Variants in ATP6V1G3 observed in about 807,000 individuals in gnomAD.
ATP6V1G3 encodes V-type proton ATPase subunit G 3.
Under a neutral mutation model 9.3 loss-of-function variants are expected in ATP6V1G3, and 9 were observed. That is an observed-to-expected ratio of 0.97 (90% CI 0.59 to 1.69). The LOEUF is 1.69. Ranked by LOEUF, ATP6V1G3 falls within the 40% of genes most tolerant of loss-of-function variation. The pLI is 0.00. For synonymous variants in ATP6V1G3, 43 were observed against 43.8 expected, an observed-to-expected ratio of 0.98 and a Z score of 0.07; for missense variants, 133 against 139.0, an observed-to-expected ratio of 0.96 and a Z score of 0.22.
chr1:198,524,171 C>T (rs1157059559), intron 2 of ATP6V1G3, among the ~76,000 whole-genome samples: 2 of 146,056 alleles, frequency 1.4e-5, no homozygotes, highest in Admixed American at 1.4e-4. Flanking sequence ...GTCGCCCAGG[C>T]TGGAGTGCAA....
In ATP6V1G3 at chr1:198,523,572, A is replaced by C. The variant is rs1659534819; in HGVS notation, c.184-8T>G. On this transcript the variant is annotated splice_polypyrimidine_tract_variant and splice_region_variant and intron_variant, in intron 2 of 2. Coordinates refer to ENST00000367382, the MANE Select transcript of ATP6V1G3 (RefSeq NM_001376861.1). ...ATTCTGAGAGCCCATTATCTACCAA[A>C]ACAAAACAGACAGAATTCACATCAT... 3.1e-6 allele frequency: 5 copies of C among 1,607,846 alleles called. No homozygotes were observed. The highest frequency in any genetic ancestry group is 4.2e-6 in the Non-Finnish European group (5 of 1,177,444).
intron 1 of ATP6V1G3, 33 bp downstream of exon 1, chr1:198,540,536 T>C (rs1363632315): frequency 6.3e-7 from 1 of 1,596,102 alleles, no homozygotes; most frequent in Admixed American, 1.7e-5. Context: ...GCTTTGTTTA[T>C]TTCGTGACAG....
chr1:198,532,174 C>T (rs1354332810), intron 1 of ATP6V1G3, among the ~76,000 whole-genome samples: 1 of 151,968 alleles, frequency 6.6e-6, no homozygotes, highest in Admixed American at 6.6e-5. Flanking sequence ...TGTATATATG[C>T]TAGTTATAGC....
chr1:198,540,502 C>G (rs780179132), intron 1 of ATP6V1G3, 67 bp downstream of exon 1: 15 of 1,529,460 alleles, frequency 9.8e-6, no homozygotes, highest in East Asian at 2.3e-5. Flanking sequence ...ATCCAAAAGT[C>G]TATGCTTATC....
Position 198,540,565 on chromosome 1 carries a change from TTAC to T in ATP6V1G3, c.82+1_82+3del. On this transcript the variant is annotated splice_donor_variant and splice_donor_region_variant and intron_variant, in intron 1 of 2. Coordinates refer to ENST00000367382, the MANE Select transcript of ATP6V1G3 (RefSeq NM_001376861.1). LOFTEE classifies it high-confidence loss of function. ...GTGACAGACCCCTCACAGGTGAGAC[TTAC>T]TCTTCTTGGCTTCCTCTAGCTTGTC... is the stretch of plus-strand genomic sequence containing the variant. 1.2e-6 allele frequency: 2 copies of T among 1,612,092 alleles called. No individual in the cohort carries two copies. Among genetic ancestry groups the T allele is most frequent in the South Asian group, 2.2e-5 (2 of 89,954 alleles).
At chr1:198,527,843 G>A (rs1402808049) in intron 2 of ATP6V1G3, among the ~76,000 whole-genome samples, 1 of 152,012 alleles carries the variant, frequency 6.6e-6, no homozygotes, top group African/African-American at 2.4e-5. Context: ...GAAAAAGAGT[G>A]GACTACAATA....
intron 1 of ATP6V1G3, among the ~76,000 whole-genome samples, chr1:198,535,099 A>G (rs1425779786): frequency 6.6e-6 from 1 of 152,174 alleles, no homozygotes; most frequent in Non-Finnish European, 1.5e-5. Context: ...CCTGGACTGA[A>G]TATAACCAAA....
At chr1:198,532,055 T>C (rs1259024466) in intron 1 of ATP6V1G3, among the ~76,000 whole-genome samples, 3 of 152,052 alleles carry the variant, frequency 2.0e-5, no homozygotes, top group Non-Finnish European at 4.4e-5. Flanking sequence ...TAAGCTTTCC[T>C]GAGGATATTT....
chr1:198,530,756 C>T (rs1017697152), intron 1 of ATP6V1G3, among the ~76,000 whole-genome samples: 1 of 152,040 alleles, frequency 6.6e-6, no homozygotes, highest in Non-Finnish European at 1.5e-5. Flanking sequence ...TCTCTGTGAG[C>T]AGAATAAATC....
intron 1 of ATP6V1G3, among the ~76,000 whole-genome samples, chr1:198,537,252 A>G (rs1660152733): frequency 6.6e-6 from 1 of 152,210 alleles, no homozygotes; most frequent in Non-Finnish European, 1.5e-5. Context: ...ATACTGTATC[A>G]TGTAGCAACT....
At chr1:198,528,970 T>C in intron 2 of ATP6V1G3, 111 bp downstream of exon 2, 2 of 385,870 alleles carry the variant, frequency 5.2e-6, no homozygotes, top group South Asian at 3.4e-5. Flanking sequence ...GATTGAACTA[T>C]ATCTGCTCAA....
intron 1 of ATP6V1G3, chr1:198,536,624 A>G (rs1295755780): frequency 2.8e-6 from 4 of 1,417,700 alleles, no homozygotes; most frequent in African/African-American, 1.4e-5. Context: ...ACTAATAAAT[A>G]TAACCTGTAA....
chr1:198,530,473 C>T (rs1474892917), intron 1 of ATP6V1G3, among the ~76,000 whole-genome samples: 2 of 152,128 alleles, frequency 1.3e-5, no homozygotes, highest in African/African-American at 4.8e-5. Context: ...GAGTTACAAA[C>T]TGAAATGTGT....
intron 1 of ATP6V1G3, among the ~76,000 whole-genome samples, chr1:198,540,273 C>G (rs1660293778): frequency 6.6e-6 from 1 of 152,110 alleles, no homozygotes; most frequent in African/African-American, 2.4e-5. Context: ...TTTTCTACCC[C>G]CTAACAATGT....
rs544963545 is a variant in ATP6V1G3 at position 198,532,433 on chromosome 1, A to G, written c.83-3252T>C. Among the ~76,000 whole-genome samples the G allele has an allele frequency of 2.6e-4, 39 of 152,320 alleles. No individual in the cohort carries two copies. The South Asian group carries it at 7.9e-3, about 31-fold the overall frequency. Reference sequence around the variant, plus strand: ...AGAGATATTTAATCAACATAACTAGATGTCTATTCTGTGCCACACACTATT... The same window carrying G: ...AGAGATATTTAATCAACATAACTAGGTGTCTATTCTGTGCCACACACTATT... On this transcript the variant is annotated intron_variant, in intron 1 of 2. Transcript: ENST00000367382.
At chr1:198,533,557 G>A (rs1226086679) in intron 1 of ATP6V1G3, among the ~76,000 whole-genome samples, 1 of 152,156 alleles carries the variant, frequency 6.6e-6, no homozygotes, top group Non-Finnish European at 1.5e-5. Flanking sequence ...TGGGGATGGA[G>A]TCAATACTGC....
chr1:198,532,359 C>T (rs979871294), intron 1 of ATP6V1G3, among the ~76,000 whole-genome samples: 1 of 152,020 alleles, frequency 6.6e-6, no homozygotes, highest in Non-Finnish European at 1.5e-5. Context: ...AGAGAACATT[C>T]CAAGAAGGAT....
chr1:198,531,816 AAGAC>A (rs1392698434), intron 1 of ATP6V1G3, among the ~76,000 whole-genome samples: 4 of 152,320 alleles, frequency 2.6e-5, no homozygotes, highest in African/African-American at 9.6e-5. Flanking sequence ...TCTCATCTAT[AAGAC>A]AGATTTAATA....
chr1:198,527,743 A>C (rs1659715170), intron 2 of ATP6V1G3, among the ~76,000 whole-genome samples: 1 of 152,186 alleles, frequency 6.6e-6, no homozygotes, highest in African/African-American at 2.4e-5. Context: ...CAAAGAAATG[A>C]TTCTTTTGGT....
Sources: gnomAD v4.1 joint callset for allele counts (sites outside exome capture counted in the v4.1 genomes callset) on GRCh38, gnomAD v4.1.1 for gene constraint, MANE v1.5 for transcripts, NCBI Gene and HGNC (gene_info 2026-07-23, HGNC 2026-07-21) for gene names.